MAP10: variants seen among roughly 807,000 people sequenced by gnomAD.
The protein encoded by MAP10 is microtubule associated protein 10.
Under a neutral mutation model 6.3 loss-of-function variants are expected in MAP10, and 10 were observed. That is an observed-to-expected ratio of 1.58 (90% confidence interval 0.98 to 2.69). The LOEUF (loss-of-function observed/expected upper bound fraction) is 2.69, where lower values mean the gene tolerates loss of function less well. Ranked by LOEUF, MAP10 falls within the 30% of genes most tolerant of loss-of-function variation. The probability of loss-of-function intolerance (pLI) is 0.00; values close to 1 mark genes in which losing one functional copy is unlikely to be tolerated. For synonymous variants in MAP10, 459 were observed against 429.3 expected (o/e 1.07, Z -0.86); for missense variants, 1,189 against 1,086.5 (o/e 1.09, Z -1.33).
rs1436942425 is a variant in MAP10 at position 232,805,800 on chromosome 1, G to T, written c.351G>T (p.Leu117=). 10 of 1,597,164 alleles carry T rather than the reference G, an allele frequency of 6.3e-6. No individual in the cohort carries two copies. Among genetic ancestry groups the T allele is most frequent in the Admixed American group, 1.7e-5 (1 of 58,810 alleles). ...TGCGGACCCCGCTTGCCACCTTGCTGCTGCAGCTGCCCCCTGGGCGCCCGA... is the reference window on the plus strand; with the variant it reads ...TGCGGACCCCGCTTGCCACCTTGCTTCTGCAGCTGCCCCCTGGGCGCCCGA... ...RLLRTPLATL[L]LQLPPGRPTP... Residue 117 remains leucine (L), a synonymous_variant, in exon 1 of 1, where the codon CTG becomes CTT. Coordinates refer to ENST00000418460, the MANE Select transcript of MAP10 (RefSeq NM_019090.3).
chr1:232,807,774 C>G, the MAP10 span: 1 of 1,613,118 alleles, frequency 6.2e-7, no homozygotes, highest in Admixed American at 1.7e-5. Context: ...TACACTCATA[C>G]AGAAAATTTC....
rs757605719 is a variant in MAP10, at chr1:232,805,839, G to C, written c.390G>C (p.Gln130His). The change falls in exon 1 of 1, where the codon CAG becomes CAC. Residue 130 changes from glutamine to histidine, a missense_variant. By Grantham distance (24) the Gln-to-His change is conservative (BLOSUM62 0). Transcript: ENST00000418460. ...CTGGGCGCCCGACGCCCACCCCACA[G>C]CTCCTGGGGGCCTGCGACATTTCGC... ...LPPGRPTPTPQLLGACDISLA... is the reference protein window; with the variant it reads ...LPPGRPTPTPHLLGACDISLA... The C allele has an allele frequency of 1.9e-6, 3 of 1,589,830 alleles. No individual in the cohort carries two copies. In the African/African-American group the frequency reaches 4.0e-5, roughly 21 times the overall value.
rs1166618804 is a variant in MAP10 at position 232,809,807 on chromosome 1, A to C, written c.*1640A>C. Among the ~76,000 whole-genome samples the C allele has an allele frequency of 1.3e-5, 2 of 152,096 alleles. No individual in the cohort carries two copies. ...AAGCATATAGTATAACATTTCACAAAATCAAAATATTGTAATGCCAGGTAT... is the reference window on the plus strand; with the variant it reads ...AAGCATATAGTATAACATTTCACAACATCAAAATATTGTAATGCCAGGTAT... On this transcript the variant is annotated 3_prime_UTR_variant, in exon 1 of 1. Coordinates refer to ENST00000418460, the MANE Select transcript of MAP10 (RefSeq NM_019090.3).
In MAP10 at chr1:232,806,526, A is replaced by G. The variant is rs755353337; in HGVS notation, c.1077A>G (p.Ala359=). Residue 359 remains alanine, a synonymous_variant, in exon 1 of 1, where the codon GCA becomes GCG. Coordinates refer to ENST00000418460, the MANE Select transcript of MAP10 (RefSeq NM_019090.3). ...GTCTAAAGCATCCAAGTTCTGCAGC[A>G]CACGAACATCCTCCAATGCTTGTAA... ...RSCLKHPSSA[A]HEHPPMLVNP... The G allele has an allele frequency of 6.2e-7, 1 of 1,613,986 alleles. No individual in the cohort carries two copies. Among genetic ancestry groups the G allele is most frequent in the South Asian group, 1.1e-5 (1 of 91,082 alleles).
rs763683309 is a variant in MAP10, at chr1:232,808,207, A to G, written c.*40A>G. ...AAAAAACTTTCAAGGACCTATGTGT[A>G]CTGTTAGTGAAAAAAATTTTAAAGC... is the stretch of plus-strand genomic sequence containing the variant. On this transcript the variant is annotated 3_prime_UTR_variant, in exon 1 of 1. Coordinates refer to ENST00000418460, the MANE Select transcript of MAP10 (RefSeq NM_019090.3). 11 of 1,331,412 alleles carry G rather than the reference A, an allele frequency of 8.3e-6. No individual in the cohort carries two copies. Among genetic ancestry groups the G allele is most frequent in the Admixed American group, 3.1e-5 (1 of 31,810 alleles). 82.5% of individuals were successfully genotyped at this position (1,331,412 alleles called of 1,614,324 possible).
rs778488358 is a variant in MAP10 at position 232,807,627 on chromosome 1, T to C, written c.2178T>C (p.His726=). Residue 726 remains histidine, a synonymous_variant, in exon 1 of 1, where the codon CAT becomes CAC. Coordinates refer to ENST00000418460, the MANE Select transcript of MAP10 (RefSeq NM_019090.3). ...ACACCAGCAGAAGTTTCAAAGCTCA[T>C]GATAGCAGTTCAAGGACAGAAAATC... ...SEDTSRSFKA[H]DSSSRTENPK... is the part of the protein sequence containing the mutation. The C allele has an allele frequency of 1.2e-6, 2 of 1,610,282 alleles. No homozygotes were observed. The highest frequency in any genetic ancestry group is 1.1e-5 in the South Asian group (1 of 90,602).
In MAP10 at chr1:232,805,671, C is replaced by T. The variant is rs1666084263; in HGVS notation, c.222C>T (p.Gly74=). 2 of 1,599,184 alleles carry T rather than the reference C, an allele frequency of 1.3e-6. No homozygotes were observed. The highest frequency in any genetic ancestry group is 1.7e-6 in the Non-Finnish European group (2 of 1,176,788). Residue 74 remains glycine (G), a synonymous_variant, in exon 1 of 1, where the codon GGC becomes GGT. Transcript: ENST00000418460. Reference sequence around the variant, plus strand: ...CGCTGTTGGTTTACCCTCCTGACGGCCCCGGCGCTCCCGCCGCCGAACCGT... The same window carrying T: ...CGCTGTTGGTTTACCCTCCTGACGGTCCCGGCGCTCCCGCCGCCGAACCGT... ...FPTLLVYPPD[G]PGAPAAEPWP...
At position 232,805,483 on chromosome 1, in the gene MAP10, C is replaced by G; in HGVS notation, c.34C>G (p.Leu12Val). ...AASLSERLFS[L>V]ELLVDWVRLE... Reference sequence around the variant, plus strand: ...CTCGCTGTCCGAGCGGCTCTTCTCGCTGGAGCTGCTGGTGGACTGGGTGCG... The same window carrying G: ...CTCGCTGTCCGAGCGGCTCTTCTCGGTGGAGCTGCTGGTGGACTGGGTGCG... Residue 12 changes from leucine to valine, a missense_variant, in exon 1 of 1, where the codon CTG becomes GTG. Leu to Val is a conservative substitution (Grantham distance 32). Transcript: ENST00000418460. 6.3e-7 allele frequency: 1 copy of G among 1,586,466 alleles called. No homozygotes were observed. The highest frequency in any genetic ancestry group is 8.6e-7 in the Non-Finnish European group (1 of 1,165,762).
In MAP10 at chr1:232,806,018, G is replaced by T. The variant is rs1337195037; in HGVS notation, c.569G>T (p.Ser190Ile). The change falls in exon 1 of 1, where the codon AGC (serine) becomes ATC (isoleucine). Residue 190 changes from serine to isoleucine, a missense_variant. Transcript: ENST00000418460. ...RLTDLGSRLLSQLERPLTFTR... is the reference protein window; with the variant it reads ...RLTDLGSRLLIQLERPLTFTR... ...ACTGACCTGGGAAGCCGCCTGCTGA[G>T]CCAACTTGAGCGGCCCCTCACCTTC... 1 of 1,613,904 alleles carries T rather than the reference G, an allele frequency of 6.2e-7. No homozygotes were observed. The highest frequency in any genetic ancestry group is 2.2e-5 in the East Asian group (1 of 44,874).
chr1:232,807,557 A>G lies in MAP10; in HGVS notation c.2108A>G (p.Asp703Gly). ...ENISELKYSD[D>G]LSSPCYSEDF... is the part of the protein sequence containing the mutation. Reference sequence around the variant, plus strand: ...ATCTCAGAACTGAAGTATTCAGATGATTTGTCTAGCCCTTGCTATTCTGAA... The same window carrying G: ...ATCTCAGAACTGAAGTATTCAGATGGTTTGTCTAGCCCTTGCTATTCTGAA... The change falls in exon 1 of 1, where the codon GAT (aspartate) becomes GGT (glycine). Residue 703 changes from aspartate (D) to glycine (G), a missense_variant. Transcript: ENST00000418460. 1.2e-6 allele frequency: 2 copies of G among 1,612,860 alleles called. No homozygotes were observed. The highest frequency in any genetic ancestry group is 1.7e-6 in the Non-Finnish European group (2 of 1,179,314).
rs374323821 is a variant in MAP10, at chr1:232,806,768, A to C, written c.1319A>C (p.Lys440Thr). ...AAGAAGTCACCCGAATCTTCTGCCAAATCCACATGCCGGTCTGAAGCCAAG... is the reference window on the plus strand; with the variant it reads ...AAGAAGTCACCCGAATCTTCTGCCACATCCACATGCCGGTCTGAAGCCAAG... ...EDKKSPESSA[K>T]STCRSEAKKD... The change falls in exon 1 of 1, where the codon AAA becomes ACA. Residue 440 changes from lysine (K) to threonine (T), a missense_variant. Lys to Thr is a moderately conservative substitution (Grantham distance 78). Coordinates refer to ENST00000418460, the MANE Select transcript of MAP10 (RefSeq NM_019090.3). The C allele has an allele frequency of 6.8e-6, 11 of 1,613,718 alleles. No homozygotes were observed. The African/African-American group carries it at 1.5e-4, about 22-fold the overall frequency.
In MAP10 at chr1:232,806,623, A is replaced by G; in HGVS notation, c.1174A>G (p.Ile392Val). Residue 392 changes from isoleucine (I) to valine (V), a missense_variant, in exon 1 of 1, where the codon ATA becomes GTA. Transcript: ENST00000418460. ...CQTEQNRINT[I>V]RQLPLLNALL... ...AACTGAACAAAATCGAATTAATACA[A>G]TAAGGCAGTTGCCTTTGTTAAATGC... The G allele has an allele frequency of 1.9e-6, 3 of 1,613,972 alleles. No homozygotes were observed. Among genetic ancestry groups the G allele is most frequent in the South Asian group, 1.1e-5 (1 of 91,076 alleles).
rs1436942425 is a variant in MAP10, at chr1:232,805,800, G to A, written c.351G>A (p.Leu117=). The part of the protein sequence containing the change: ...RLLRTPLATL[L]LQLPPGRPTP... ...TGCGGACCCCGCTTGCCACCTTGCT[G>A]CTGCAGCTGCCCCCTGGGCGCCCGA... The change falls in exon 1 of 1, where the codon CTG becomes CTA. Residue 117 remains leucine (L), a synonymous_variant. Coordinates refer to ENST00000418460, the MANE Select transcript of MAP10 (RefSeq NM_019090.3). The A allele has an allele frequency of 1.3e-6, 2 of 1,597,046 alleles. No individual in the cohort carries two copies. Among genetic ancestry groups the A allele is most frequent in the Admixed American group, 1.7e-5 (1 of 58,790 alleles).
In MAP10 at chr1:232,809,277, T is replaced by G. The variant is rs999436538; in HGVS notation, c.*1110T>G. On this transcript the variant is annotated 3_prime_UTR_variant, in exon 1 of 1. Transcript: ENST00000418460. Reference sequence around the variant, plus strand: ...TGTGTTATACTTTAATTTTTAGACTTTTTAATATATCTAACGTTTTTGAAT... The same window carrying G: ...TGTGTTATACTTTAATTTTTAGACTGTTTAATATATCTAACGTTTTTGAAT... Among the ~76,000 whole-genome samples, 2 of 152,074 alleles carry G rather than the reference T, an allele frequency of 1.3e-5. No homozygotes were observed. The highest frequency in any genetic ancestry group is 4.8e-5 in the African/African-American group (2 of 41,434).
At chr1:232,807,915 TACAA>T in the MAP10 span, 1 of 1,613,490 alleles carries the variant, frequency 6.2e-7, no homozygotes. Flanking sequence ...ATTCTGAAAT[TACAA>T]AGAGAGCTCA....
At chr1:232,806,629 C>T in the MAP10 span, 2 of 1,613,938 alleles carry the variant, frequency 1.2e-6, no homozygotes, top group African/African-American at 1.3e-5. Flanking sequence ...TACAATAAGG[C>T]AGTTGCCTTT....
In MAP10 at chr1:232,805,977, A is replaced by C. The variant is rs1571896147; in HGVS notation, c.528A>C (p.Ala176=). 3 of 1,613,524 alleles carry C rather than the reference A, an allele frequency of 1.9e-6. No homozygotes were observed. Among genetic ancestry groups the C allele is most frequent in the Non-Finnish European group, 2.5e-6 (3 of 1,179,846 alleles). ...NRVGERTGDI[A]LAYRLTDLGS... ...TGGGCGAGCGGACTGGGGACATTGCACTGGCCTACCGCCTGACTGACCTGG... is the reference window on the plus strand; with the variant it reads ...TGGGCGAGCGGACTGGGGACATTGCCCTGGCCTACCGCCTGACTGACCTGG... The change falls in exon 1 of 1, where the codon GCA becomes GCC. Residue 176 remains alanine, a synonymous_variant. Coordinates refer to ENST00000418460, the MANE Select transcript of MAP10 (RefSeq NM_019090.3).
chr1:232,807,910 G>C lies in MAP10; in HGVS notation c.2461G>C (p.Glu821Gln). 1 of 1,613,568 alleles carries C rather than the reference G, an allele frequency of 6.2e-7. No individual in the cohort carries two copies. Among genetic ancestry groups the C allele is most frequent in the Non-Finnish European group, 8.5e-7 (1 of 1,179,760 alleles). ...QIDQNSMHNS[E>Q]ITKRAQDISV... ...AGATCAAAATAGTATGCACAATTCT[G>C]AAATTACAAAGAGAGCTCAAGACAT... Residue 821 changes from glutamate to glutamine, a missense_variant, in exon 1 of 1, where the codon GAA becomes CAA. Transcript: ENST00000418460.
rs760424355 is a variant in MAP10 at position 232,806,498 on chromosome 1, G to C, written c.1049G>C (p.Ser350Thr). 1 of 1,613,942 alleles carries C rather than the reference G, an allele frequency of 6.2e-7. No homozygotes were observed. The highest frequency in any genetic ancestry group is 8.5e-7 in the Non-Finnish European group (1 of 1,179,898). ...KKRVNPPAHR[S>T]CLKHPSSAAH... Reference sequence around the variant, plus strand: ...CGTGTAAATCCCCCAGCACACAGGAGTTGTCTAAAGCATCCAAGTTCTGCA... The same window carrying C: ...CGTGTAAATCCCCCAGCACACAGGACTTGTCTAAAGCATCCAAGTTCTGCA... The change falls in exon 1 of 1, where the codon AGT becomes ACT. Residue 350 changes from serine (S) to threonine (T), a missense_variant. Transcript: ENST00000418460.
Sources: gnomAD v4.1 joint callset for allele counts (sites outside exome capture counted in the v4.1 genomes callset) on GRCh38, gnomAD v4.1.1 for gene constraint, MANE v1.5 for transcripts, NCBI Gene and HGNC (gene_info 2026-07-23, HGNC 2026-07-21) for gene names.